Variants in CEPT1 observed in about 807,000 individuals in gnomAD.
CEPT1 encodes choline/ethanolamine phosphotransferase 1, also known as choline/ethanolaminephosphotransferase 1.
Under a neutral mutation model 42.6 loss-of-function variants are expected in CEPT1, and 7 were observed. The ratio of observed to expected loss-of-function variants is 0.16; its 90% CI spans 0.09 to 0.31. CEPT1 has a LOEUF of 0.31. Among genes scored for constraint, CEPT1 ranks in the 10% least tolerant of loss-of-function variants. CEPT1 has a pLI of 1.00. For missense variants in CEPT1, 306 were observed against 502.1 expected, an observed-to-expected ratio of 0.61 and a Z score of 3.73; for synonymous variants, 171 against 171.9, an observed-to-expected ratio of 0.99 and a Z score of 0.04.
chr1:111,152,408 C>G (rs1655330189), intron 2 of CEPT1, among the ~76,000 whole-genome samples: 1 of 152,046 alleles, frequency 6.6e-6, no homozygotes, highest in Non-Finnish European at 1.5e-5. Context: ...TTTTATCTGC[C>G]TTTCCTTCCT....
intron 7 of CEPT1, 141 bp downstream of exon 7, chr1:111,183,098 G>A (rs1414832249): frequency 2.4e-6 from 2 of 832,810 alleles, no homozygotes; most frequent in African/African-American, 1.7e-5. Context: ...ATCAACATGG[G>A]AACTATTTTT....
intron 2 of CEPT1, among the ~76,000 whole-genome samples, chr1:111,154,589 A>T (rs1655460491): frequency 1.3e-5 from 2 of 152,078 alleles, no homozygotes; most frequent in South Asian, 4.1e-4. Flanking sequence ...AGCTTTGACC[A>T]TTTCCCCATT....
intron 2 of CEPT1, among the ~76,000 whole-genome samples, chr1:111,158,387 A>G (rs965918926): frequency 1.3e-5 from 2 of 152,272 alleles, no homozygotes; most frequent in African/African-American, 4.8e-5. Flanking sequence ...TTAATTTAAT[A>G]CCAGCAGTTC....
chr1:111,159,194 C>T (rs1040552470), intron 2 of CEPT1, among the ~76,000 whole-genome samples, 186 bp from the exon 3 acceptor site: 4 of 152,034 alleles, frequency 2.6e-5, no homozygotes, highest in Admixed American at 6.6e-5. Context: ...GGATTACAGG[C>T]GTGAGCCACC....
rs1228168599 is a variant in CEPT1, at chr1:111,149,196, C to T, written c.339+1143C>T. 5.3e-5 allele frequency among the ~76,000 whole-genome samples: 8 copies of T among 151,666 alleles called. No homozygotes were observed. In the East Asian group the frequency reaches 1.5e-3, roughly 29 times the overall value. Reference sequence around the variant, plus strand: ...TTCCAGGTTTTCATTTCCCATCACCCTTAATTCCTCTTCTACTATTGCAAA... The same window carrying T: ...TTCCAGGTTTTCATTTCCCATCACCTTTAATTCCTCTTCTACTATTGCAAA... On this transcript the variant is annotated intron_variant, in intron 2 of 8. Transcript: ENST00000357172.
intron 4 of CEPT1, among the ~76,000 whole-genome samples, chr1:111,161,527 C>T (rs575564807): frequency 6.6e-6 from 1 of 152,070 alleles, no homozygotes; most frequent in Non-Finnish European, 1.5e-5. Flanking sequence ...AAAAGCAATA[C>T]AAAAAGCAGT....
chr1:111,150,590 T>G (rs1655215356), intron 2 of CEPT1, among the ~76,000 whole-genome samples: 1 of 152,192 alleles, frequency 6.6e-6, no homozygotes, highest in African/African-American at 2.4e-5. Flanking sequence ...TCATTAAGTT[T>G]CATGTCTACA....
chr1:111,182,930 G>C lies in CEPT1; in HGVS notation c.978G>C (p.Val326=). 6.2e-7 allele frequency: 1 copy of C among 1,613,250 alleles called. No homozygotes were observed. The highest frequency in any genetic ancestry group is 8.5e-7 in the Non-Finnish European group (1 of 1,179,582). The change falls in exon 7 of 9, where the codon GTG becomes GTC. Residue 326 remains valine (V), a synonymous_variant. Transcript: ENST00000357172. ...PCLYILTFGF[V]SAKITNKLVV... Reference sequence around the variant, plus strand: ...TTTATATACTGACATTTGGTTTTGTGTCTGCTAAAATCACTAATAAGCTTG... The same window carrying C: ...TTTATATACTGACATTTGGTTTTGTCTCTGCTAAAATCACTAATAAGCTTG...
At chr1:111,173,038 A>G (rs1300330480) in intron 4 of CEPT1, 1 of 152,232 alleles carries the variant, frequency 6.6e-6, no homozygotes, top group Non-Finnish European at 1.5e-5. Flanking sequence ...CATCCATGGT[A>G]CAAAGATTAA....
chr1:111,177,423 G>A (rs1476538473), intron 5 of CEPT1, among the ~76,000 whole-genome samples: 1 of 152,074 alleles, frequency 6.6e-6, no homozygotes, highest in Non-Finnish European at 1.5e-5. Flanking sequence ...AAGAAGTTTT[G>A]GGATTTGTAG....
intron 1 of CEPT1, among the ~76,000 whole-genome samples, chr1:111,146,820 T>C (rs1276714991): frequency 6.6e-6 from 1 of 152,180 alleles, no homozygotes; most frequent in African/African-American, 2.4e-5. Flanking sequence ...CTTCCTCAGT[T>C]CATCAGGACA....
rs778094429 is a variant in CEPT1 at position 111,148,099 on chromosome 1, CGTT to C, written c.339+49_339+51del. On this transcript the variant is annotated intron_variant, in intron 2 of 8. Coordinates refer to ENST00000357172, the MANE Select transcript of CEPT1 (RefSeq NM_006090.5). ...CTCAACATTTGCTATATACCAAAAA[CGTT>C]GTAATTGGGATCGTGGGGTCATTTT... 2.5e-5 allele frequency: 36 copies of C among 1,450,592 alleles called. No homozygotes were observed. The African/African-American group carries it at 4.5e-4, about 18-fold the overall frequency. 89.9% of individuals were successfully genotyped at this position (1,450,592 alleles called of 1,614,324 possible).
chr1:111,184,415 T>C lies in CEPT1; in HGVS notation c.*105T>C. 1 of 866,396 alleles carries C rather than the reference T, an allele frequency of 1.2e-6. No individual in the cohort carries two copies. Among genetic ancestry groups the C allele is most frequent in the Admixed American group, 2.9e-5 (1 of 34,250 alleles). 53.7% of individuals were successfully genotyped at this position (866,396 alleles called of 1,614,324 possible). Reference sequence around the variant, plus strand: ...AACAAATATAATTTATAATAATCAATGTTGTATAACTTTTATTCTTTATTA... The same window carrying C: ...AACAAATATAATTTATAATAATCAACGTTGTATAACTTTTATTCTTTATTA... On this transcript the variant is annotated 3_prime_UTR_variant, in exon 9 of 9. Coordinates refer to ENST00000357172, the MANE Select transcript of CEPT1 (RefSeq NM_006090.5).
At chr1:111,166,602 A>G (rs1656156102) in intron 4 of CEPT1, among the ~76,000 whole-genome samples, 1 of 152,188 alleles carries the variant, frequency 6.6e-6, no homozygotes, top group Middle Eastern at 3.2e-3. Flanking sequence ...TTCCACATAT[A>G]TGCTAGTTTT....
At chr1:111,151,402 G>A (rs763340118) in intron 2 of CEPT1, among the ~76,000 whole-genome samples, 12 of 152,292 alleles carry the variant, frequency 7.9e-5, no homozygotes, top group African/African-American at 1.2e-4. Context: ...GATTACAGGC[G>A]TGTGCCACCA....
chr1:111,167,255 T>G, intron 4 of CEPT1: 1 of 985,218 alleles, frequency 1.0e-6, no homozygotes, highest in South Asian at 4.7e-5. Context: ...GACAGCACCT[T>G]TGTCATGCAC....
chr1:111,145,945 A>G (rs1409229325), intron 1 of CEPT1, among the ~76,000 whole-genome samples: 2 of 152,182 alleles, frequency 1.3e-5, no homozygotes, highest in Non-Finnish European at 2.9e-5. Flanking sequence ...GCATGTTTTG[A>G]TAGTAGATCT....
At chr1:111,172,894 A>C (rs946406434) in intron 4 of CEPT1, among the ~76,000 whole-genome samples, 1 of 152,234 alleles carries the variant, frequency 6.6e-6, no homozygotes, top group South Asian at 2.1e-4. Context: ...TATTCATCTA[A>C]TACAATGTCA....
At chr1:111,143,477 A>T (rs1654780282) in intron 1 of CEPT1, 1 of 152,190 alleles carries the variant, frequency 6.6e-6, no homozygotes, top group African/African-American at 2.4e-5. Context: ...TTCCCACTGG[A>T]CATAGGAGCT....
Sources: gnomAD v4.1 joint callset for allele counts (sites outside exome capture counted in the v4.1 genomes callset) on GRCh38, gnomAD v4.1.1 for gene constraint, MANE v1.5 for transcripts, NCBI Gene and HGNC (gene_info 2026-07-23, HGNC 2026-07-21) for gene names.